The following SLC2A9 variants were observed in gnomAD, a reference collection of about 807,000 sequenced individuals.
SLC2A9 encodes solute carrier family 2 member 9.
SLC2A9 carries 39 observed loss-of-function variants against 50.6 expected under a neutral mutation model. That is an observed-to-expected ratio of 0.77 (90% confidence interval 0.60 to 1.01). The LOEUF (loss-of-function observed/expected upper bound fraction) is 1.01, where lower values mean the gene tolerates loss of function less well. SLC2A9 is among the 50% of genes least tolerant of loss of function. SLC2A9 has a pLI of 0.00. For synonymous variants in SLC2A9, 324 were observed against 276.9 expected (o/e 1.17, Z -1.69); for missense variants, 686 against 677.6 (o/e 1.01, Z -0.14).
chr4:9,907,042 A>G (rs193285800), intron 8 of SLC2A9, among the ~76,000 whole-genome samples: 2 of 152,402 alleles, frequency 1.3e-5, no homozygotes, highest in East Asian at 3.9e-4. Flanking sequence ...GAAGTCAGAA[A>G]GACAATTGCA....
In SLC2A9 at chr4:9,921,184, A is replaced by G. The variant is rs547548089; in HGVS notation, c.815-612T>C. Among the ~76,000 whole-genome samples, 3 of 152,308 alleles carry G rather than the reference A, an allele frequency of 2.0e-5. No individual in the cohort carries two copies. In the East Asian group the frequency reaches 5.8e-4, roughly 29 times the overall value. ...CCATGTGATCCTCTGAAATACAAGA[A>G]AACTTGAGTGGAAATAGTCCCAAAG... On this transcript the variant is annotated intron_variant, in intron 6 of 11. Transcript: ENST00000264784.
rs920646382 is a variant in SLC2A9, at chr4:9,819,805, G to A, written n.420+6615C>T. ...AACAATCAGCTGGGTGCAGTGATGC[G>A]TGCCTGTAATCCTAGCTACTTGGGA... is the stretch of plus-strand genomic sequence containing the variant. On this transcript the variant is annotated intron_variant and non_coding_transcript_variant, in intron 3 of 3. Coordinates refer to the SLC2A9 transcript ENST00000503280. 3.9e-5 allele frequency among the ~76,000 whole-genome samples: 6 copies of A among 152,186 alleles called. No homozygotes were observed. In the East Asian group the frequency reaches 5.8e-4, roughly 15 times the overall value.
At chr4:9,779,559 C>T (rs13112576), downstream of SLC2A9, among the ~76,000 whole-genome samples, 81,130 of 151,522 alleles carry the variant, frequency 0.54, 22,981 homozygotes, top group Non-Finnish European at 0.64. Context: ...GGACTACAGG[C>T]GCCCGCCACC....
intron 1 of SLC2A9, among the ~76,000 whole-genome samples, chr4:9,771,748 G>C (rs1446981314): frequency 6.6e-6 from 1 of 152,222 alleles, no homozygotes; most frequent in Non-Finnish European, 1.5e-5. Context: ...GAAATACAGA[G>C]GGTGGCTACT....
At chr4:9,989,960 A>G (rs201721284) in intron 3 of SLC2A9, among the ~76,000 whole-genome samples, 1 of 151,938 alleles carries the variant, frequency 6.6e-6, no homozygotes, top group East Asian at 1.9e-4. Flanking sequence ...ACCATTTTAG[A>G]GAATCCTCTG....
intron 3 of SLC2A9, among the ~76,000 whole-genome samples, chr4:9,993,236 T>C (rs1758024778): frequency 6.6e-6 from 1 of 152,236 alleles, no homozygotes; most frequent in African/African-American, 2.4e-5. Context: ...TCTTATATGT[T>C]TTTTCTGCTT....
intron 10 of SLC2A9, among the ~76,000 whole-genome samples, chr4:9,866,847 C>T (rs914684543): frequency 2.0e-5 from 3 of 152,190 alleles, no homozygotes; most frequent in Admixed American, 2.0e-4. Context: ...AGGCCAGCAC[C>T]ACTCTACTGG....
intron 3 of SLC2A9, chr4:9,783,059 T>A (rs1472444303): frequency 6.2e-7 from 1 of 1,614,216 alleles, no homozygotes; most frequent in Non-Finnish European, 8.5e-7. Flanking sequence ...CTTCGACGTC[T>A]TCGTCTGGTT....
chr4:9,946,754 C>T (rs750303977), intron 5 of SLC2A9, among the ~76,000 whole-genome samples: 2 of 152,156 alleles, frequency 1.3e-5, no homozygotes, highest in Non-Finnish European at 2.9e-5. Context: ...TCCAGAATGT[C>T]ATCTAAATAC....
chr4:10,018,835 G>A, intron 2 of SLC2A9, 140 bp downstream of exon 2: 2 of 761,688 alleles, frequency 2.6e-6, no homozygotes, highest in Non-Finnish European at 4.3e-6. Flanking sequence ...CCTCTCCCCC[G>A]AGTGGGGGCT....
intron 2 of SLC2A9, among the ~76,000 whole-genome samples, chr4:9,997,212 T>G (rs574484109): frequency 6.6e-6 from 1 of 152,338 alleles, no homozygotes; most frequent in South Asian, 2.1e-4. Flanking sequence ...GGTACTTTTT[T>G]TGTAACAAAA....
rs748104439 is a variant in SLC2A9, at chr4:9,835,101, C to T, written c.1292-93G>A. On this transcript the variant is annotated intron_variant, in intron 10 of 11. Transcript: ENST00000264784. ...CATCTGCCACACTTTAGAACCCCCC[C>T]ACCCCTGCCCCTTGACTGGATGTGT... The T allele has an allele frequency of 1.7e-4, 265 of 1,580,004 alleles. 1 individual carries two copies. The South Asian group carries it at 1.9e-3, about 12-fold the overall frequency.
At chr4:9,848,768 G>T (rs1317896717) in intron 10 of SLC2A9, among the ~76,000 whole-genome samples, 7 of 149,034 alleles carry the variant, frequency 4.7e-5, no homozygotes, top group Non-Finnish European at 7.4e-5. Flanking sequence ...GCAGTGGCAC[G>T]ATCTCGGCTC....
chr4:9,918,700 C>A (rs372017045), intron 7 of SLC2A9, among the ~76,000 whole-genome samples: 102 of 152,310 alleles, frequency 6.7e-4, no homozygotes, highest in African/African-American at 2.1e-3. Flanking sequence ...AGGTGGAGGC[C>A]AAGTGACGGG....
chr4:9,974,529 A>AC (rs1754453250), intron 5 of SLC2A9, among the ~76,000 whole-genome samples: 2 of 151,922 alleles, frequency 1.3e-5, no homozygotes, highest in Non-Finnish European at 2.9e-5. Context: ...CCAAAAAAAA[A>AC]AACTAGGAAA....
intron 3 of SLC2A9, among the ~76,000 whole-genome samples, chr4:9,810,376 C>T: frequency 6.6e-6 from 1 of 152,250 alleles, no homozygotes; most frequent in East Asian, 1.9e-4. Flanking sequence ...GGGACAATAC[C>T]TAGAGGCAGG....
At chr4:9,940,383 T>C (rs1747907555) in intron 6 of SLC2A9, among the ~76,000 whole-genome samples, 1 of 152,200 alleles carries the variant, frequency 6.6e-6, no homozygotes, top group South Asian at 2.1e-4. Context: ...CGAGGGGTGT[T>C]GGAGGAAAAT....
chr4:9,906,495 G>C (rs1275645447), intron 8 of SLC2A9, among the ~76,000 whole-genome samples: 1 of 152,186 alleles, frequency 6.6e-6, no homozygotes, highest in Non-Finnish European at 1.5e-5. Context: ...AAGATTATGT[G>C]AACAAAAGCA....
intron 3 of SLC2A9, among the ~76,000 whole-genome samples, chr4:9,787,852 G>T (rs11931636): frequency 6.6e-6 from 1 of 152,132 alleles, no homozygotes; most frequent in East Asian, 1.9e-4. Context: ...ATGGCATGAG[G>T]GGCAGGTGCT....
Sources: allele counts gnomAD v4.1 joint callset (sites outside exome capture counted in the v4.1 genomes callset), GRCh38; gene constraint gnomAD v4.1.1; transcripts MANE v1.5; gene names NCBI Gene and HGNC (gene_info 2026-07-23, HGNC 2026-07-21).